Variants in KSR1 observed in about 807,000 individuals in gnomAD.
The protein encoded by KSR1 is kinase suppressor of ras 1.
Under a neutral mutation model 92.9 loss-of-function variants are expected in KSR1, and 35 were observed. The observed-to-expected ratio is 0.38, with a 90% CI of 0.29 to 0.50. The LOEUF (loss-of-function observed/expected upper bound fraction) is 0.50. KSR1 is among the 20% of genes least tolerant of loss of function. KSR1 has a pLI of 0.94. For synonymous variants in KSR1, 467 were observed against 472.6 expected (o/e 0.99, Z 0.15); for missense variants, 972 against 1,158.5 (o/e 0.84, Z 2.34).
At chr17:27,501,777 G>A (rs528835161) in intron 1 of KSR1, among the ~76,000 whole-genome samples, 3 of 152,372 alleles carry the variant, frequency 2.0e-5, no homozygotes, top group African/African-American at 7.2e-5. Context: ...GGGATTACAG[G>A]CGTGAGCCGC....
chr17:27,526,764 C>T (rs977043035), intron 1 of KSR1: 148 of 1,175,968 alleles, frequency 1.3e-4, no homozygotes, highest in East Asian at 2.6e-4. Flanking sequence ...TTCTCATCAT[C>T]GCACAGTTCT....
intron 2 of KSR1, among the ~76,000 whole-genome samples, chr17:27,572,173 A>G (rs1011467307): frequency 2.6e-5 from 4 of 152,244 alleles, no homozygotes; most frequent in Non-Finnish European, 5.9e-5. Context: ...AATTATTATC[A>G]GAAAGAATAA....
At chr17:27,484,956 C>T (rs1597859366) in intron 1 of KSR1, among the ~76,000 whole-genome samples, 1 of 152,330 alleles carries the variant, frequency 6.6e-6, no homozygotes. Flanking sequence ...GTCCTCCCCA[C>T]GGAGTTGGGG....
chr17:27,580,083 ACCCACTGGCCATCCT>A (rs1303140452), intron 3 of KSR1, among the ~76,000 whole-genome samples: 1 of 151,906 alleles, frequency 6.6e-6, no homozygotes, highest in East Asian at 1.9e-4. Flanking sequence ...ACACATCAAG[ACCCACTGGCCATCCT>A]CAAGTGGGCC....
At chr17:27,582,380 T>G (rs1459183004) in intron 3 of KSR1, among the ~76,000 whole-genome samples, 1 of 152,050 alleles carries the variant, frequency 6.6e-6, no homozygotes, top group Non-Finnish European at 1.5e-5. Context: ...AATTCCCAAG[T>G]TTTGGAGCGT....
chr17:27,517,115 C>T (rs1291525395), intron 1 of KSR1, among the ~76,000 whole-genome samples: 1 of 152,190 alleles, frequency 6.6e-6, no homozygotes, highest in Non-Finnish European at 1.5e-5. Flanking sequence ...CCTTCCCTTT[C>T]TAGGTAATTT....
At chr17:27,604,029 G>T in intron 12 of KSR1, 141 bp downstream of exon 12, 2 of 822,480 alleles carry the variant, frequency 2.4e-6, no homozygotes, top group Admixed American at 2.2e-5. Flanking sequence ...CACCCTCTGG[G>T]CAAGTGAACT....
At chr17:27,583,155 AATC>A (rs1567853857) in intron 4 of KSR1, 50 bp downstream of exon 4, 1 of 1,271,778 alleles carries the variant, frequency 7.9e-7, no homozygotes, top group South Asian at 1.5e-5. Context: ...GTGGTTTTCT[AATC>A]ATAAAGATAT....
At chr17:27,499,064 G>T (rs1478247277) in intron 1 of KSR1, among the ~76,000 whole-genome samples, 2 of 152,154 alleles carry the variant, frequency 1.3e-5, no homozygotes, top group South Asian at 2.1e-4. Flanking sequence ...GGCCAGGAGG[G>T]TTAACAGCTT....
At chr17:27,617,518 A>G (rs2074097264) in intron 19 of KSR1, 90 bp downstream of exon 19, 1 of 1,466,424 alleles carries the variant, frequency 6.8e-7, no homozygotes, top group African/African-American at 1.4e-5. Flanking sequence ...CTTTCTGCCC[A>G]AGACTTTGTT....
chr17:27,482,123 G>A (rs1174316108), intron 1 of KSR1, among the ~76,000 whole-genome samples: 2 of 152,144 alleles, frequency 1.3e-5, no homozygotes, highest in African/African-American at 4.8e-5. Context: ...ATTATGATGT[G>A]GGGGTAAAGA....
At chr17:27,502,873 G>A (rs1176298673) in intron 1 of KSR1, among the ~76,000 whole-genome samples, 1 of 152,214 alleles carries the variant, frequency 6.6e-6, no homozygotes, top group Non-Finnish European at 1.5e-5. Flanking sequence ...ATCTCTGCCT[G>A]GCTGTTCCCA....
At chr17:27,611,707 C>T in intron 18 of KSR1, 78 bp downstream of exon 18, 1 of 1,567,804 alleles carries the variant, frequency 6.4e-7, no homozygotes. Flanking sequence ...CCTTCACTCA[C>T]CCACCTGAGA....
At chr17:27,567,915 G>A (rs1488622760) in intron 2 of KSR1, among the ~76,000 whole-genome samples, 1 of 152,230 alleles carries the variant, frequency 6.6e-6, no homozygotes, top group Non-Finnish European at 1.5e-5. Flanking sequence ...TCCCTTTGGA[G>A]CCTGCCTTTG....
chr17:27,522,157 G>A (rs55670555), intron 1 of KSR1, among the ~76,000 whole-genome samples: 10,794 of 152,210 alleles, frequency 0.071, 538 homozygotes, highest in Non-Finnish European at 0.11. Context: ...CTTGAGCCCG[G>A]TGGAGTGTCT....
At chr17:27,495,661 G>T (rs1440091430) in intron 1 of KSR1, among the ~76,000 whole-genome samples, 2 of 152,152 alleles carry the variant, frequency 1.3e-5, no homozygotes, top group Non-Finnish European at 2.9e-5. Flanking sequence ...TGCCAAGTGG[G>T]TATTTTAATC....
At chr17:27,605,344 CT>C (rs2073712698) in intron 13 of KSR1, 89 bp from the exon 14 acceptor site, 1 of 1,495,038 alleles carries the variant, frequency 6.7e-7, no homozygotes, top group East Asian at 2.4e-5. Context: ...CCTCTCTCCC[CT>C]GTTACCTGGC....
chr17:27,461,504 T>G (rs1174426472), intron 1 of KSR1, among the ~76,000 whole-genome samples: 1 of 152,256 alleles, frequency 6.6e-6, no homozygotes, highest in Non-Finnish European at 1.5e-5. Flanking sequence ...GTTTCTCTGC[T>G]TCTGCTCTGT....
chr17:27,463,312 C>T (rs2019537097), intron 1 of KSR1, among the ~76,000 whole-genome samples: 1 of 152,022 alleles, frequency 6.6e-6, no homozygotes, highest in Admixed American at 6.6e-5. Flanking sequence ...GAGTTCGAAA[C>T]CAGCCTGGGC....
Sources: allele counts gnomAD v4.1 joint callset (sites outside exome capture counted in the v4.1 genomes callset), GRCh38; gene constraint gnomAD v4.1.1; transcripts MANE v1.5; gene names NCBI Gene and HGNC (gene_info 2026-07-23, HGNC 2026-07-21).